CNNM4: variants seen among roughly 807,000 people sequenced by gnomAD.
CNNM4 encodes cyclin and CBS domain divalent metal cation transport mediator 4, also known as metal transporter CNNM4.
Under a neutral mutation model 53.7 loss-of-function variants are expected in CNNM4, and 32 were observed. That is an observed-to-expected ratio of 0.60 (90% CI 0.45 to 0.80). The LOEUF is 0.80. Ranked by LOEUF, CNNM4 falls within the 30% of genes least tolerant of loss-of-function variation. CNNM4 has a pLI of 0.00. For synonymous variants in CNNM4, 410 were observed against 440.0 expected, an observed-to-expected ratio of 0.93 and a Z score of 0.85; for missense variants, 784 against 1,022.0, an observed-to-expected ratio of 0.77 and a Z score of 3.17.
intron 1 of CNNM4, among the ~76,000 whole-genome samples, chr2:96,785,900 A>C (rs895004157): frequency 6.6e-6 from 1 of 152,030 alleles, no homozygotes; most frequent in Non-Finnish European, 1.5e-5. Context: ...ATCCTAGCTA[A>C]CATGGTGAAA....
intron 1 of CNNM4, among the ~76,000 whole-genome samples, chr2:96,767,360 C>T (rs187439794): frequency 6.6e-6 from 1 of 152,160 alleles, no homozygotes; most frequent in South Asian, 2.1e-4. Context: ...GCTTAAACCT[C>T]GCCTGGAACT....
At chr2:96,785,585 C>T (rs1021371019) in intron 1 of CNNM4, among the ~76,000 whole-genome samples, 4 of 151,800 alleles carry the variant, frequency 2.6e-5, no homozygotes, top group Admixed American at 2.6e-4. Flanking sequence ...GAGCTGTGAT[C>T]GTGTCACTCT....
rs144198709 is a variant in CNNM4 at position 96,790,831 on chromosome 2, A to G, written c.1403-6181A>G. Among the ~76,000 whole-genome samples, 266 of 151,516 alleles carry G rather than the reference A, an allele frequency of 1.8e-3. 1 individual carries two copies. Among genetic ancestry groups the G allele is most frequent in the Middle Eastern group, 0.017 (5 of 294 alleles). On this transcript the variant is annotated intron_variant, in intron 1 of 6. Transcript: ENST00000377075. ...AAATCTCATCTCTACTAAAAATACA[A>G]AAATCCAGCTGGGCACAGTGGCTCA...
In CNNM4 at chr2:96,760,949, G is replaced by A. The variant is rs1574045800; in HGVS notation, c.-51G>A. 3.2e-6 allele frequency: 3 copies of A among 947,912 alleles called. No homozygotes were observed. In the East Asian group the frequency reaches 3.4e-4, roughly 107 times the overall value. 58.7% of individuals were successfully genotyped at this position (947,912 alleles called of 1,614,324 possible). ...CGGCCGGAGCTGCGGTGCGGACCGG[G>A]GCCGCGCGGCGTGGCGCGGGGAGCG... On this transcript the variant is annotated 5_prime_UTR_variant, in exon 1 of 7. Coordinates refer to ENST00000377075, the MANE Select transcript of CNNM4 (RefSeq NM_020184.4).
chr2:96,768,400 C>T (rs1186855363), intron 1 of CNNM4, among the ~76,000 whole-genome samples: 1 of 152,144 alleles, frequency 6.6e-6, no homozygotes, highest in Non-Finnish European at 1.5e-5. Flanking sequence ...CACAGTCTAC[C>T]AAGGAGAGAG....
chr2:96,791,013 G>A (rs957634578), intron 1 of CNNM4, among the ~76,000 whole-genome samples: 2 of 151,264 alleles, frequency 1.3e-5, no homozygotes, highest in South Asian at 2.1e-4. Flanking sequence ...CCAGCTACTC[G>A]GGAGGCTGAG....
chr2:96,807,948 G>A (rs1489763522), intron 5 of CNNM4, among the ~76,000 whole-genome samples: 1 of 152,096 alleles, frequency 6.6e-6, no homozygotes, highest in Non-Finnish European at 1.5e-5. Flanking sequence ...GAGTGCAGTG[G>A]TGCCAGCTTG....
chr2:96,797,638 C>G lies in CNNM4; in HGVS notation c.1672C>G (p.Leu558Val), dbSNP rs374104702. Residue 558 changes from leucine (L) to valine (V), a missense_variant, in exon 3 of 7, where the codon CTA (leucine) becomes GTA (valine). Leu to Val is a conservative substitution (Grantham distance 32). Transcript: ENST00000377075. This position sits in a 1 kb window ranked among gnomAD's most constrained non-coding sequence, Gnocchi z 6.0. The part of the protein sequence containing the change: ...PQLLLAAHRF[L>V]ATEVSQFSPS... ...GCTCCTCCTGGCCGCTCATCGCTTC[C>G]TAGCCACAGGTAGCATGAGGAGGAC... 1.9e-6 allele frequency: 3 copies of G among 1,613,970 alleles called. No individual in the cohort carries two copies.
Position 96,797,724 on chromosome 2 carries a change from C to G in CNNM4, c.1681+77C>G. 1 of 1,587,070 alleles carries G rather than the reference C, an allele frequency of 6.3e-7. No homozygotes were observed. The highest frequency in any genetic ancestry group is 8.6e-7 in the Non-Finnish European group (1 of 1,169,062). On this transcript the variant is annotated intron_variant, in intron 3 of 6. Coordinates refer to ENST00000377075, the MANE Select transcript of CNNM4 (RefSeq NM_020184.4). The surrounding 1 kb of genome is among the most constrained non-coding windows in gnomAD (Gnocchi z 6.0). ...AAGTCCTGGGTTTCCGGCTGCTTTC[C>G]CCCCATAGGACGAGGGCTGCAGCAG... is the stretch of plus-strand genomic sequence containing the variant.
Position 96,797,092 on chromosome 2 carries a change from A to C in CNNM4, c.1483A>C (p.Thr495Pro). Residue 495 changes from threonine (T) to proline (P), a missense_variant, in exon 2 of 7, where the codon ACC becomes CCC. Transcript: ENST00000377075. The surrounding 1 kb of genome is among the most constrained non-coding windows in gnomAD (Gnocchi z 6.0). ...CTTCTACGAGGTCCTGGGCCTGGTCACCCTGGAGGACGTGATCGAGGAGAT... is the reference window on the plus strand; with the variant it reads ...CTTCTACGAGGTCCTGGGCCTGGTCCCCCTGGAGGACGTGATCGAGGAGAT... ...DPFYEVLGLV[T>P]LEDVIEEIIK... is the part of the protein sequence containing the mutation. 1.2e-6 allele frequency: 2 copies of C among 1,614,124 alleles called. No individual in the cohort carries two copies. The highest frequency in any genetic ancestry group is 1.7e-6 in the Non-Finnish European group (2 of 1,180,008).
rs931082702 is a variant in CNNM4, at chr2:96,799,043, C to T, written c.1682-14C>T. The T allele has an allele frequency of 3.1e-6, 5 of 1,613,608 alleles. No homozygotes were observed. The highest frequency in any genetic ancestry group is 1.3e-5 in the African/African-American group (1 of 74,898). On this transcript the variant is annotated splice_polypyrimidine_tract_variant and intron_variant, in intron 3 of 6. Coordinates refer to ENST00000377075, the MANE Select transcript of CNNM4 (RefSeq NM_020184.4). ...GCCAGCCCCGTGTGAGGTCTCTTCT[C>T]TCTCCTCCTACAGAGGTCTCTCAGT...
intron 1 of CNNM4, among the ~76,000 whole-genome samples, chr2:96,765,853 GGCACC>G: frequency 6.7e-6 from 1 of 148,826 alleles, no homozygotes; most frequent in East Asian, 2.0e-4. Context: ...GGAGTGCAAT[GGCACC>G]ATCTCGGCTC....
At chr2:96,783,256 G>T (rs531030526) in intron 1 of CNNM4, among the ~76,000 whole-genome samples, 1 of 152,348 alleles carries the variant, frequency 6.6e-6, no homozygotes, top group South Asian at 2.1e-4. Flanking sequence ...CGAGATGGCT[G>T]TGAGCCATGC....
chr2:96,791,474 A>G (rs1458102932), intron 1 of CNNM4, among the ~76,000 whole-genome samples: 1 of 151,882 alleles, frequency 6.6e-6, no homozygotes, highest in Non-Finnish European at 1.5e-5. Context: ...TCTACTAAAA[A>G]TACAAAAAAT....
In CNNM4 at chr2:96,797,743, G is replaced by T. The variant is rs577238991; in HGVS notation, c.1681+96G>T. 4.9e-4 allele frequency: 748 copies of T among 1,539,098 alleles called. No homozygotes were observed. The highest frequency in any genetic ancestry group is 5.9e-4 in the Non-Finnish European group (672 of 1,136,294). ...GCTTTCCCCCCATAGGACGAGGGCT[G>T]CAGCAGGTGAGGGGTGCAGAGACAA... On this transcript the variant is annotated intron_variant, in intron 3 of 6. Transcript: ENST00000377075. This position sits in a 1 kb window ranked among gnomAD's most constrained non-coding sequence, Gnocchi z 6.0.
chr2:96,763,761 G>A (rs2078786883), intron 1 of CNNM4, among the ~76,000 whole-genome samples: 1 of 152,098 alleles, frequency 6.6e-6, no homozygotes, highest in Non-Finnish European at 1.5e-5. Flanking sequence ...CTGAATCTTA[G>A]TATCGGAGCT....
rs2079155933 is a variant in CNNM4, at chr2:96,801,381, C to T, written c.1948+1733C>T. On this transcript the variant is annotated intron_variant, in intron 5 of 6. Coordinates refer to ENST00000377075, the MANE Select transcript of CNNM4 (RefSeq NM_020184.4). The surrounding 1 kb of genome is among the most constrained non-coding windows in gnomAD (Gnocchi z 5.6). ...ATAGACACATACACACAGAGACACA[C>T]AGAGAGATACACATACAGATACACA... is the stretch of plus-strand genomic sequence containing the variant. Among the ~76,000 whole-genome samples, 1 of 152,030 alleles carries T rather than the reference C, an allele frequency of 6.6e-6. No homozygotes were observed. Among genetic ancestry groups the T allele is most frequent in the Non-Finnish European group, 1.5e-5 (1 of 68,014 alleles).
chr2:96,767,310 A>G (rs1473753732), intron 1 of CNNM4, among the ~76,000 whole-genome samples: 1 of 152,176 alleles, frequency 6.6e-6, no homozygotes, highest in Non-Finnish European at 1.5e-5. Context: ...ACAAGCCCTC[A>G]GGCCTGAGAG....
Position 96,808,779 on chromosome 2 carries a change from T to A in CNNM4, c.2130+37T>A. The A allele has an allele frequency of 6.3e-7, 1 of 1,598,936 alleles. No homozygotes were observed. The highest frequency in any genetic ancestry group is 1.1e-5 in the South Asian group (1 of 90,728). Reference sequence around the variant, plus strand: ...ACTGCCCTGTCTGGGCAGTGCTATCTTCTGCTCAGGAATCAGCTACTACTT... The same window carrying A: ...ACTGCCCTGTCTGGGCAGTGCTATCATCTGCTCAGGAATCAGCTACTACTT... On this transcript the variant is annotated intron_variant, in intron 6 of 6. Coordinates refer to ENST00000377075, the MANE Select transcript of CNNM4 (RefSeq NM_020184.4). This position sits in a 1 kb window ranked among gnomAD's most constrained non-coding sequence, Gnocchi z 4.9.
Sources: gnomAD v4.1 joint callset for allele counts (sites outside exome capture counted in the v4.1 genomes callset) on GRCh38, gnomAD v4.1.1 for gene constraint, Gnocchi (gnomAD v3.1) non-coding constraint, MANE v1.5 for transcripts, NCBI Gene and HGNC (gene_info 2026-07-23, HGNC 2026-07-21) for gene names.